The following B3GALT1 variants were observed in gnomAD, a reference collection of about 807,000 sequenced individuals.
The protein encoded by B3GALT1 is beta-1,3-galactosyltransferase 1.
Under a neutral mutation model 23.2 loss-of-function variants are expected in B3GALT1, and 10 were observed. The observed-to-expected ratio is 0.43, with a 90% confidence interval of 0.27 to 0.73. The LOEUF (loss-of-function observed/expected upper bound fraction) is 0.73, where lower values mean the gene tolerates loss of function less well. Among genes scored for constraint, B3GALT1 ranks in the 30% least tolerant of loss-of-function variants. B3GALT1 has a pLI of 0.21. For synonymous variants in B3GALT1, 156 were observed against 141.5 expected (o/e 1.10, Z -0.73); for missense variants, 299 against 405.4 (o/e 0.74, Z 2.25).
intron 1 of B3GALT1, among the ~76,000 whole-genome samples, chr2:167,336,218 T>C (rs1037105534): frequency 1.3e-5 from 2 of 152,172 alleles, no homozygotes; most frequent in African/African-American, 4.8e-5. Context: ...TGAATCCTAC[T>C]GTTTTATGTA....
At chr2:167,387,808 G>T (rs928056824) in intron 1 of B3GALT1, among the ~76,000 whole-genome samples, 1 of 152,160 alleles carries the variant, frequency 6.6e-6, no homozygotes, top group South Asian at 2.1e-4. Flanking sequence ...TCTACTGCCA[G>T]TCCTCCCACA....
At chr2:167,706,289 G>C (rs1351439548) in intron 3 of B3GALT1, among the ~76,000 whole-genome samples, 1 of 152,242 alleles carries the variant, frequency 6.6e-6, no homozygotes, top group East Asian at 1.9e-4. Flanking sequence ...GGCTAAGACT[G>C]TGTGGGATGA....
intron 3 of B3GALT1, among the ~76,000 whole-genome samples, chr2:167,685,875 G>A (rs565398830): frequency 2.0e-5 from 3 of 152,270 alleles, no homozygotes; most frequent in Non-Finnish European, 2.9e-5. Context: ...CTAAGGACAC[G>A]CACTGTTTTG....
intron 1 of B3GALT1, among the ~76,000 whole-genome samples, chr2:167,297,234 A>G (rs201192242): frequency 6.6e-6 from 1 of 152,128 alleles, no homozygotes; most frequent in Non-Finnish European, 1.5e-5. Flanking sequence ...ACAAAATAAC[A>G]GTATTTATGA....
chr2:167,789,872 A>G (rs1159808671), intron 3 of B3GALT1, among the ~76,000 whole-genome samples: 1 of 152,068 alleles, frequency 6.6e-6, no homozygotes, highest in Non-Finnish European at 1.5e-5. Flanking sequence ...GCCCCTTGGA[A>G]CAGTGTCTTC....
intron 1 of B3GALT1, among the ~76,000 whole-genome samples, chr2:167,432,680 A>G (rs1200338745): frequency 6.6e-6 from 1 of 152,204 alleles, no homozygotes; most frequent in South Asian, 2.1e-4. Context: ...TGAAAAACTC[A>G]AAGTGGAGCC....
At chr2:167,488,761 C>T (rs1200753295) in intron 1 of B3GALT1, among the ~76,000 whole-genome samples, 1 of 152,174 alleles carries the variant, frequency 6.6e-6, no homozygotes, top group Admixed American at 6.5e-5. Context: ...CAATTCCTCA[C>T]AGCCACTGTT....
intron 1 of B3GALT1, among the ~76,000 whole-genome samples, chr2:167,336,044 T>C (rs1205708645): frequency 1.3e-5 from 2 of 152,116 alleles, no homozygotes; most frequent in Non-Finnish European, 2.9e-5. Context: ...GCATTATTGC[T>C]TTTTCTTGCT....
rs563563923 is a variant in B3GALT1 at position 167,465,892 on chromosome 2, GT to G, written c.-510-24274del. The stretch of plus-strand genomic sequence containing the variant: ...TGATTTTCCTCTTCTTTTCAATAAG[GT>G]TTTTTTTTTTCCCCCTCCATCTCCA... On this transcript the variant is annotated intron_variant, in intron 1 of 4. Coordinates refer to ENST00000392690, the MANE Select transcript of B3GALT1 (RefSeq NM_020981.4). 1.5e-3 allele frequency among the ~76,000 whole-genome samples: 223 copies of G among 147,504 alleles called. 4 individuals are homozygous for G. The South Asian group carries it at 0.019, about 13-fold the overall frequency.
chr2:167,746,138 G>T (rs995670192), intron 3 of B3GALT1, among the ~76,000 whole-genome samples: 4 of 152,110 alleles, frequency 2.6e-5, no homozygotes, highest in Non-Finnish European at 5.9e-5. Context: ...TCCTCTATTA[G>T]ATAACTTACA....
chr2:167,447,398 G>T (rs565647325), intron 1 of B3GALT1, among the ~76,000 whole-genome samples: 1 of 152,340 alleles, frequency 6.6e-6, no homozygotes, highest in African/African-American at 2.4e-5. Flanking sequence ...CTGTCAGACA[G>T]GGACATTTAA....
intron 2 of B3GALT1, among the ~76,000 whole-genome samples, chr2:167,589,341 C>T (rs138743667): frequency 1.7e-3 from 253 of 152,038 alleles, no homozygotes; most frequent in African/African-American, 5.3e-3. Flanking sequence ...AGTGGTTGTA[C>T]ATATTAGTCT....
At chr2:167,677,849 A>G (rs1428048319) in intron 3 of B3GALT1, among the ~76,000 whole-genome samples, 2 of 152,152 alleles carry the variant, frequency 1.3e-5, no homozygotes, top group African/African-American at 4.8e-5. Context: ...GGGGAAGCAA[A>G]CAGGTCCTTA....
intron 1 of B3GALT1, among the ~76,000 whole-genome samples, chr2:167,473,548 A>G (rs893925985): frequency 3.3e-5 from 5 of 152,174 alleles, no homozygotes; most frequent in Non-Finnish European, 5.9e-5. Context: ...GAAATAACTC[A>G]TATTATCATC....
At chr2:167,640,197 C>G (rs1386407239) in intron 2 of B3GALT1, among the ~76,000 whole-genome samples, 1 of 151,918 alleles carries the variant, frequency 6.6e-6, no homozygotes, top group Non-Finnish European at 1.5e-5. Context: ...AAAAATTGAT[C>G]TTGCATCCTC....
intron 1 of B3GALT1, among the ~76,000 whole-genome samples, chr2:167,381,224 T>G (rs1697843428): frequency 6.6e-6 from 1 of 152,070 alleles, no homozygotes; most frequent in African/African-American, 2.4e-5. Context: ...TGCACCACCA[T>G]GCCTGGCTAA....
At chr2:167,457,056 A>C (rs1046643905) in intron 1 of B3GALT1, among the ~76,000 whole-genome samples, 1 of 152,188 alleles carries the variant, frequency 6.6e-6, no homozygotes, top group Admixed American at 6.5e-5. Context: ...ATTAGTATGC[A>C]AAAGACACTA....
intron 3 of B3GALT1, among the ~76,000 whole-genome samples, chr2:167,766,937 C>T (rs1196260669): frequency 1.3e-5 from 2 of 152,188 alleles, no homozygotes; most frequent in African/African-American, 4.8e-5. Context: ...TTTTCTTTGC[C>T]TGGATCACTT....
At chr2:167,326,958 G>A (rs1696906068) in intron 1 of B3GALT1, among the ~76,000 whole-genome samples, 1 of 152,024 alleles carries the variant, frequency 6.6e-6, no homozygotes, top group Admixed American at 6.6e-5. Context: ...CCAAAGTGCT[G>A]GGGTTACAGG....
Sources: allele counts gnomAD v4.1 joint callset (sites outside exome capture counted in the v4.1 genomes callset), GRCh38; gene constraint gnomAD v4.1.1; transcripts MANE v1.5; gene names NCBI Gene and HGNC (gene_info 2026-07-23, HGNC 2026-07-21).